Variants in NSMF observed in about 807,000 individuals in gnomAD.
NSMF encodes NMDA receptor synaptonuclear signaling and neuronal migration factor.
In NSMF, 31 loss-of-function variants were observed where a neutral mutation model predicts 71.0. The observed-to-expected ratio is 0.44, with a 90% CI of 0.33 to 0.59. The LOEUF is 0.59. Among genes scored for constraint, NSMF ranks in the 20% least tolerant of loss-of-function variants. The pLI is 0.04. For synonymous variants in NSMF, 345 were observed against 287.1 expected (o/e 1.20, Z -2.04); for missense variants, 673 against 740.5 (o/e 0.91, Z 1.06).
At chr9:137,456,792 G>A (rs138995408) in intron 3 of NSMF, among the ~76,000 whole-genome samples, 1 of 152,300 alleles carries the variant, frequency 6.6e-6, no homozygotes, top group East Asian at 1.9e-4. Context: ...GGAGGCCCAG[G>A]AAAACAATGC....
chr9:137,453,956 G>C lies in NSMF; in HGVS notation c.833-136C>G, dbSNP rs950682209. On this transcript the variant is annotated intron_variant, in intron 7 of 15. Transcript: ENST00000371475. The surrounding 1 kb of genome is among the most constrained non-coding windows in gnomAD (Gnocchi z 4.5). ...GGTGGGGTCTAAGGCACATGAAGCA[G>C]ACACGGACCAGAGGCTCGGTTGGTT... The C allele has an allele frequency of 2.8e-6, 2 of 706,366 alleles. No homozygotes were observed. The highest frequency in any genetic ancestry group is 2.4e-6 in the Non-Finnish European group (1 of 412,570). 43.8% of individuals were successfully genotyped at this position (706,366 alleles called of 1,614,324 possible). A position where few individuals can be genotyped will look rare whatever the true frequency, so the allele number is the denominator to read the frequency against.
At chr9:137,454,615 T>C (rs1830738821) in intron 6 of NSMF, 172 bp from the exon 7 acceptor site, 1 of 1,541,484 alleles carries the variant, frequency 6.5e-7, no homozygotes, top group Non-Finnish European at 8.7e-7. Flanking sequence ...CACCCAGTGC[T>C]CTTCCCGCGA....
chr9:137,454,068 G>A (rs1416059674), intron 7 of NSMF, among the ~76,000 whole-genome samples: 1 of 144,382 alleles, frequency 6.9e-6, no homozygotes, highest in African/African-American at 2.6e-5. Context: ...GGCGTGGCTG[G>A]GAGGGGAGGA....
intron 3 of NSMF, among the ~76,000 whole-genome samples, chr9:137,457,185 A>G (rs1393471513): frequency 6.6e-6 from 1 of 152,108 alleles, no homozygotes; most frequent in East Asian, 1.9e-4. Context: ...GCGAAAGCGG[A>G]CTGTGAGGCC....
At chr9:137,452,654 TG>T (rs757260015) in intron 10 of NSMF, 68 bp from the exon 11 acceptor site, 2 of 1,605,368 alleles carry the variant, frequency 1.2e-6, no homozygotes, top group Admixed American at 3.4e-5. Context: ...CACAGCACCC[TG>T]GGGACCTGGG....
At chr9:137,450,422 C>G (rs1345049976) in intron 12 of NSMF, among the ~76,000 whole-genome samples, 167 bp from the exon 13 acceptor site, 1 of 130,196 alleles carries the variant, frequency 7.7e-6, no homozygotes, top group Admixed American at 7.5e-5. Context: ...CCCCACCACA[C>G]GCCTCTTCCC....
chr9:137,453,438 G>A lies in NSMF; in HGVS notation c.923-258C>T, dbSNP rs1306478020. The A allele has an allele frequency of 8.2e-6, 5 of 608,214 alleles. No individual in the cohort carries two copies. Among genetic ancestry groups the A allele is most frequent in the East Asian group, 5.6e-5 (2 of 35,600 alleles). 37.7% of individuals were successfully genotyped at this position (608,214 alleles called of 1,614,324 possible). ...GGCATCAGCTCCAGCCAAGTCCGCC[G>A]GGCGCCTGGGAGGGAGTGGGGGCGG... On this transcript the variant is annotated intron_variant, in intron 8 of 15. Transcript: ENST00000371475. The surrounding 1 kb of genome is among the most constrained non-coding windows in gnomAD (Gnocchi z 4.5).
Position 137,457,610 on chromosome 9 carries a change from C to T in NSMF, c.425G>A (p.Ser142Asn). Reference sequence around the variant, plus strand: ...GACGTCCTCCCGGCTGCCACCAGGGCTGGCGCGCAGGGGCTGGCTGTGATG... The same window carrying T: ...GACGTCCTCCCGGCTGCCACCAGGGTTGGCGCGCAGGGGCTGGCTGTGATG... The part of the protein sequence containing the change: ...PHHHSQPLRA[S>N]PGGSREDVSR... The change falls in exon 3 of 16, where the codon AGC (serine) becomes AAC (asparagine). Residue 142 changes from serine (S) to asparagine (N), a missense_variant. Ser to Asn is a conservative substitution (Grantham distance 46). Coordinates refer to ENST00000371475, the MANE Select transcript of NSMF (RefSeq NM_001130969.3). 1 of 1,553,126 alleles carries T rather than the reference C, an allele frequency of 6.4e-7. No individual in the cohort carries two copies. The highest frequency in any genetic ancestry group is 2.4e-5 in the East Asian group (1 of 41,044).
In NSMF at chr9:137,452,283, C is replaced by T. The variant is rs1830573376; in HGVS notation, c.1236+82G>A. The T allele has an allele frequency of 4.2e-6, 6 of 1,420,440 alleles. No homozygotes were observed. The South Asian group carries it at 6.9e-5, about 16-fold the overall frequency. The allele number at this position is 1,420,440 out of a possible 1,614,324, so 88.0% of individuals were successfully genotyped here. A position where few individuals can be genotyped will look rare whatever the true frequency, so the allele number is the denominator to read the frequency against. The stretch of plus-strand genomic sequence containing the variant: ...CCCCAACCTCTTCCCCTTGGTCTCC[C>T]CCAACTTGACTTCTTCCCCTTGGTC... On this transcript the variant is annotated intron_variant, in intron 12 of 15. Coordinates refer to ENST00000371475, the MANE Select transcript of NSMF (RefSeq NM_001130969.3).
chr9:137,458,912 G>A (rs1831026150), intron 1 of NSMF, 120 bp downstream of exon 1: 3 of 753,928 alleles, frequency 4.0e-6, no homozygotes, highest in African/African-American at 1.9e-5. Context: ...GCGCGGGGAG[G>A]GCGCCTCAGT....
In NSMF at chr9:137,453,615, C is replaced by T; in HGVS notation, c.922+116G>A. The stretch of plus-strand genomic sequence containing the variant: ...GTCCCCATCTCACAAACAGGTAAAC[C>T]AAGATTCAGGAGTGCAAAAGCGCAG... On this transcript the variant is annotated intron_variant, in intron 8 of 15. Coordinates refer to ENST00000371475, the MANE Select transcript of NSMF (RefSeq NM_001130969.3). The surrounding 1 kb of genome is among the most constrained non-coding windows in gnomAD (Gnocchi z 4.5). 1.3e-6 allele frequency: 1 copy of T among 765,188 alleles called. No individual in the cohort carries two copies. Among genetic ancestry groups the T allele is most frequent in the Non-Finnish European group, 2.1e-6 (1 of 485,446 alleles). The allele number at this position is 765,188 out of a possible 1,614,324, so 47.4% of individuals were successfully genotyped here. A position where few individuals can be genotyped will look rare whatever the true frequency, so the allele number is the denominator to read the frequency against.
rs1440708964 is a variant in NSMF, at chr9:137,449,201, C to T, written c.*193G>A. 6.5e-6 allele frequency: 4 copies of T among 619,334 alleles called. No individual in the cohort carries two copies. The highest frequency in any genetic ancestry group is 8.7e-6 in the Non-Finnish European group (3 of 344,190). 38.4% of individuals were successfully genotyped at this position (619,334 alleles called of 1,614,324 possible). A position where few individuals can be genotyped will look rare whatever the true frequency, so the allele number is the denominator to read the frequency against. ...GCGGGATCCTCCCGGCCCCCAGGGA[C>T]TGCAGCCTCTGCGGCCACGGGTGCA... On this transcript the variant is annotated 3_prime_UTR_variant, in exon 16 of 16. Coordinates refer to ENST00000371475, the MANE Select transcript of NSMF (RefSeq NM_001130969.3).
At chr9:137,455,516 G>A (rs1830788948) in intron 5 of NSMF, 113 bp downstream of exon 5, 1 of 1,310,952 alleles carries the variant, frequency 7.6e-7, no homozygotes, top group Non-Finnish European at 1.1e-6. Context: ...CCCGCAGAGA[G>A]CGGCACTCCC....
chr9:137,454,704 G>A, intron 6 of NSMF: 2 of 1,512,766 alleles, frequency 1.3e-6, no homozygotes, highest in Non-Finnish European at 1.8e-6. Context: ...CTCCCGAGCT[G>A]CATTCCCAGG....
At chr9:137,449,770 C>T in intron 14 of NSMF, 96 bp from the exon 15 acceptor site, 3 of 1,324,930 alleles carry the variant, frequency 2.3e-6, no homozygotes, top group Admixed American at 1.9e-5. Flanking sequence ...TTTTTTCAGA[C>T]CCCCCAAACC....
At chr9:137,456,771 G>A (rs1485055526) in intron 3 of NSMF, among the ~76,000 whole-genome samples, 1 of 152,216 alleles carries the variant, frequency 6.6e-6, no homozygotes, top group East Asian at 1.9e-4. Flanking sequence ...TGAAAGCACA[G>A]TCTGTCTCCA....
intron 5 of NSMF, 136 bp downstream of exon 5, chr9:137,455,493 G>A (rs747184707): frequency 1.8e-5 from 22 of 1,213,914 alleles, no homozygotes; most frequent in Non-Finnish European, 2.0e-5. Context: ...CTCGGTGCCC[G>A]CTGGGAGCCA....
At chr9:137,458,977 G>T in intron 1 of NSMF, 55 bp downstream of exon 1, 1 of 1,233,966 alleles carries the variant, frequency 8.1e-7, no homozygotes, top group South Asian at 2.5e-5. Flanking sequence ...GGGCGGACTC[G>T]GGCGGGGTCG....
At position 137,449,942 on chromosome 9, in the gene NSMF, C is replaced by T; in HGVS notation, c.1400G>A (p.Gly467Glu). 6.2e-7 allele frequency: 1 copy of T among 1,613,166 alleles called. No homozygotes were observed. Among genetic ancestry groups the T allele is most frequent in the Non-Finnish European group, 8.5e-7 (1 of 1,179,874 alleles). Residue 467 changes from glycine (G) to glutamate (E), a missense_variant, in exon 14 of 16, where the codon GGG (glycine) becomes GAG (glutamate). Gly to Glu is a moderately conservative substitution (Grantham distance 98). Coordinates refer to ENST00000371475, the MANE Select transcript of NSMF (RefSeq NM_001130969.3). ...CTGTACCTTCTCTCCATTGGGGTTC[C>T]CCAGAATGTAGCAGCCCATGATGTG... ...VIHIMGCYIL[G>E]NPNGEKLFQN...
Sources: allele counts gnomAD v4.1 joint callset (sites outside exome capture counted in the v4.1 genomes callset), GRCh38; gene constraint gnomAD v4.1.1; non-coding constraint Gnocchi (gnomAD v3.1); transcripts MANE v1.5; gene names NCBI Gene and HGNC (gene_info 2026-07-23, HGNC 2026-07-21).